Variants in MCF2L2 observed in about 807,000 individuals in gnomAD.
The protein encoded by MCF2L2 is probable guanine nucleotide exchange factor MCF2L2.
Under a neutral mutation model 150.2 loss-of-function variants are expected in MCF2L2, and 102 were observed. That is an observed-to-expected ratio of 0.68 (90% CI 0.58 to 0.80). MCF2L2 has a LOEUF of 0.80. MCF2L2 is among the 30% of genes least tolerant of loss of function. The pLI, the probability that MCF2L2 is intolerant of heterozygous loss-of-function variation, is 0.00. For missense variants in MCF2L2, 1,256 were observed against 1,372.8 expected, an observed-to-expected ratio of 0.91 and a Z score of 1.34; for synonymous variants, 465 against 491.3, an observed-to-expected ratio of 0.95 and a Z score of 0.71.
Position 183,351,190 on chromosome 3 carries a change from G to GTGTATATATATA in MCF2L2, c.276-9561_276-9560insTATATATATACA, listed in dbSNP as rs1491563903. ...GTGTGTGTGATATTTATTTTCTTAA[G>GTGTATATATATA]TATATATATATATATATATATATAT... On this transcript the variant is annotated intron_variant, in intron 3 of 29. Transcript: ENST00000328913. Among the ~76,000 whole-genome samples the GTGTATATATATA allele has an allele frequency of 1.0e-4, 4 of 38,842 alleles. 1 individual carries two copies. Among genetic ancestry groups the GTGTATATATATA allele is most frequent in the African/African-American group, 2.6e-4 (3 of 11,562 alleles). 25.5% of individuals were successfully genotyped at this position (38,842 alleles called of 152,430 possible).
chr3:183,315,919 C>T (rs1276045876), intron 7 of MCF2L2, among the ~76,000 whole-genome samples: 3 of 152,208 alleles, frequency 2.0e-5, no homozygotes, highest in Admixed American at 6.5e-5. Flanking sequence ...ACATTGTCAT[C>T]CCGGTGCTTC....
intron 21 of MCF2L2, among the ~76,000 whole-genome samples, chr3:183,216,367 A>AT (rs1383258633): frequency 1.4e-5 from 2 of 147,896 alleles, no homozygotes; most frequent in Non-Finnish European, 3.0e-5. Context: ...CCTGCTACAT[A>AT]AGAAACATAT....
At chr3:183,404,532 C>G (rs1373195082) in intron 1 of MCF2L2, among the ~76,000 whole-genome samples, 1 of 152,204 alleles carries the variant, frequency 6.6e-6, no homozygotes, top group Non-Finnish European at 1.5e-5. Flanking sequence ...CACACTTACA[C>G]TCTCTAATCC....
At chr3:183,188,546 C>G (rs546764903) in intron 27 of MCF2L2, among the ~76,000 whole-genome samples, 1 of 152,292 alleles carries the variant, frequency 6.6e-6, no homozygotes, top group South Asian at 2.1e-4. Context: ...ACTGCTGCCC[C>G]GCCTCACTCT....
rs998400047 is a variant in MCF2L2, at chr3:183,267,980, G to A, written c.1862+8892C>T. 6.6e-6 allele frequency among the ~76,000 whole-genome samples: 1 copy of A among 152,128 alleles called. No individual in the cohort carries two copies. The highest frequency in any genetic ancestry group is 2.4e-5 in the African/African-American group (1 of 41,418). ...CTGAGTGTAGGGTGTCCACAACATC[G>A]TGCCTAAAAAGTCTCTGTATGGGGT... is the stretch of plus-strand genomic sequence containing the variant. On this transcript the variant is annotated intron_variant, in intron 15 of 29. Transcript: ENST00000328913. The surrounding 1 kb of genome is among the most constrained non-coding windows in gnomAD (Gnocchi z 5.5).
At chr3:183,296,339 C>T (rs1320652496) in intron 12 of MCF2L2, 1 of 152,760 alleles carries the variant, frequency 6.5e-6, no homozygotes, top group Non-Finnish European at 1.5e-5. Context: ...CCTTGCCTGC[C>T]TCTCTCTAAC....
At chr3:183,269,702 G>A (rs945090906) in intron 15 of MCF2L2, 6 of 1,106,948 alleles carry the variant, frequency 5.4e-6, no homozygotes, top group Non-Finnish European at 6.5e-6. Context: ...CATGTATTAA[G>A]ATGGACACCT....
chr3:183,295,470 G>C lies in MCF2L2; in HGVS notation c.1505C>G (p.Ala502Gly), dbSNP rs1228398950. ...ATCCAGCCTCTGCAAAACTTTCTGGGCTTTGGCCTACAGTAACAAAAGCAA... is the reference window on the plus strand; with the variant it reads ...ATCCAGCCTCTGCAAAACTTTCTGGCCTTTGGCCTACAGTAACAAAAGCAA... ...LLLTLDAKAKAQKVLQRLDDV... is the reference protein window; with the variant it reads ...LLLTLDAKAKGQKVLQRLDDV... The change falls in exon 13 of 30, where the codon GCC (alanine) becomes GGC (glycine). Residue 502 changes from alanine to glycine, a missense_variant. Ala to Gly is a moderately conservative substitution (Grantham distance 60). Coordinates refer to ENST00000328913, the MANE Select transcript of MCF2L2 (RefSeq NM_015078.4). 1 of 1,613,900 alleles carries C rather than the reference G, an allele frequency of 6.2e-7. No individual in the cohort carries two copies. The highest frequency in any genetic ancestry group is 1.3e-5 in the African/African-American group (1 of 74,878).
chr3:183,295,303 A>G lies in MCF2L2; in HGVS notation c.1672T>C (p.Ser558Pro). ...VSSKTSQPST[S>P]VPLARPLRTS... Reference sequence around the variant, plus strand: ...TTCTTTTCCTCAAATAACCTACCCGAGGTGGAGGGCTGGCTGGTTTTTGAT... The same window carrying G: ...TTCTTTTCCTCAAATAACCTACCCGGGGTGGAGGGCTGGCTGGTTTTTGAT... Residue 558 changes from serine to proline, a missense_variant, in exon 13 of 30, where the codon TCG (serine) becomes CCG (proline). Physicochemically the swap from Ser to Pro is moderately conservative, Grantham distance 74. Transcript: ENST00000328913. 1 of 1,604,856 alleles carries G rather than the reference A, an allele frequency of 6.2e-7. No individual in the cohort carries two copies. The highest frequency in any genetic ancestry group is 2.2e-5 in the East Asian group (1 of 44,756).
intron 14 of MCF2L2, among the ~76,000 whole-genome samples, chr3:183,278,170 T>A (rs1393936415): frequency 6.6e-6 from 1 of 151,028 alleles, no homozygotes. Flanking sequence ...GGCGACACAG[T>A]GAGACCCTGT....
chr3:183,320,627 T>G (rs753659357), intron 6 of MCF2L2, among the ~76,000 whole-genome samples: 17 of 152,196 alleles, frequency 1.1e-4, no homozygotes, highest in Non-Finnish European at 2.5e-4. Flanking sequence ...AAGGAAATGT[T>G]GTGGGTGGTT....
In MCF2L2 at chr3:183,309,726, T is replaced by TC; in HGVS notation, c.1102dup (p.Glu368GlyfsTer43). ...TGTCAGAAAGCAAACCTGGCTTTTT[T>TC]CCTCCAGTTTTTTGTGTTCCTTAAG... On this transcript the variant is annotated frameshift_variant, in exon 10 of 30. Transcript: ENST00000328913. LOFTEE classifies it high-confidence loss of function. The TC allele has an allele frequency of 6.2e-7, 1 of 1,613,964 alleles. No homozygotes were observed. Among genetic ancestry groups the TC allele is most frequent in the Non-Finnish European group, 8.5e-7 (1 of 1,179,978 alleles).
intron 21 of MCF2L2, among the ~76,000 whole-genome samples, chr3:183,219,134 A>T (rs1232936172): frequency 6.6e-6 from 1 of 152,196 alleles, no homozygotes; most frequent in Non-Finnish European, 1.5e-5. Flanking sequence ...GAGTTCACAC[A>T]CACGCACACA....
intron 1 of MCF2L2, among the ~76,000 whole-genome samples, chr3:183,417,532 C>T (rs1458262445): frequency 6.6e-6 from 1 of 152,144 alleles, no homozygotes; most frequent in East Asian, 1.9e-4. Flanking sequence ...TTTACTGATG[C>T]TCTTTGTTTT....
At chr3:183,357,001 T>C (rs1340151001) in intron 3 of MCF2L2, among the ~76,000 whole-genome samples, 1 of 152,146 alleles carries the variant, frequency 6.6e-6, no homozygotes, top group Non-Finnish European at 1.5e-5. Flanking sequence ...AGAAGAGTTT[T>C]TGAAAAATGC....
rs535352702 is a variant in MCF2L2 at position 183,364,160 on chromosome 3, A to C, written c.275+15137T>G. Among the ~76,000 whole-genome samples the C allele has an allele frequency of 8.7e-4, 133 of 152,330 alleles. 1 individual carries two copies. The Middle Eastern group carries it at 0.031, about 35-fold the overall frequency. ...TCAAGATAAATGAATGAAATAAATT[A>C]TTCACTCATAAATGAGAGAAAATGA... On this transcript the variant is annotated intron_variant, in intron 3 of 29. Transcript: ENST00000328913.
At chr3:183,221,288 G>A (rs1006645138) in intron 20 of MCF2L2, among the ~76,000 whole-genome samples, 4 of 152,170 alleles carry the variant, frequency 2.6e-5, no homozygotes, top group Non-Finnish European at 5.9e-5. Context: ...TCAGTGAAAG[G>A]CAGCTAACAA....
At chr3:183,200,281 G>C (rs1722231141) in intron 25 of MCF2L2, among the ~76,000 whole-genome samples, 1 of 152,154 alleles carries the variant, frequency 6.6e-6, no homozygotes, top group Non-Finnish European at 1.5e-5. Context: ...ATCCTCTCCA[G>C]CACCTGTTGT....
chr3:183,396,059 C>A (rs879786854), intron 1 of MCF2L2, among the ~76,000 whole-genome samples: 9 of 151,802 alleles, frequency 5.9e-5, no homozygotes, highest in Admixed American at 4.6e-4. Context: ...ACCCTCCCCC[C>A]ATGAACATAT....
Sources: gnomAD v4.1 joint callset for allele counts (sites outside exome capture counted in the v4.1 genomes callset) on GRCh38, gnomAD v4.1.1 for gene constraint, Gnocchi (gnomAD v3.1) non-coding constraint, MANE v1.5 for transcripts, NCBI Gene and HGNC (gene_info 2026-07-23, HGNC 2026-07-21) for gene names.